KRT8: variants seen among roughly 807,000 people sequenced by gnomAD.
KRT8 encodes the protein keratin, type II cytoskeletal 8.
Under a neutral mutation model 43.0 loss-of-function variants are expected in KRT8, and 24 were observed. The ratio of observed to expected loss-of-function variants is 0.56; its 90% CI spans 0.40 to 0.78. The LOEUF is 0.78. Ranked by LOEUF, KRT8 falls within the 30% of genes least tolerant of loss-of-function variation. KRT8 has a pLI of 0.00. For missense variants in KRT8, 492 were observed against 638.4 expected (o/e 0.77, Z 2.47); for synonymous variants, 214 against 261.2 (o/e 0.82, Z 1.74).
At chr12:52,929,165 ACTC>A (rs975022115) in intron 2 of KRT8, among the ~76,000 whole-genome samples, 32 of 140,428 alleles carry the variant, frequency 2.3e-4, no homozygotes, top group African/African-American at 8.5e-4. Context: ...ACCACTGACC[ACTC>A]CTCCTTCCTT....
rs115941399 is a variant in KRT8, at chr12:52,948,896, G to T, written c.-47+560C>A. 6.6e-3 allele frequency: 2,830 copies of T among 430,852 alleles called. 78 individuals are homozygous for T. The highest frequency in any genetic ancestry group is 0.051 in the African/African-American group (2,505 of 48,764). The allele number at this position is 430,852 out of a possible 1,614,324, so 26.7% of individuals were successfully genotyped here. ...GCAGCCTCGAGGGCCAACAACACCT[G>T]CTGTCCGTGTCCATGCCCGGTTGGC... is the stretch of plus-strand genomic sequence containing the variant. On this transcript the variant is annotated intron_variant, in intron 2 of 6. Transcript: ENST00000546826.
upstream of KRT8, among the ~76,000 whole-genome samples, chr12:52,909,792 G>C (rs1395958621): frequency 6.6e-6 from 1 of 152,172 alleles, no homozygotes; most frequent in African/African-American, 2.4e-5. Flanking sequence ...ATGAAAATCT[G>C]TGAATGTTCT....
At chr12:52,915,331 G>A (rs150327419) in intron 2 of KRT8, among the ~76,000 whole-genome samples, 3,564 of 148,036 alleles carry the variant, frequency 0.024, 73 homozygotes, top group Admixed American at 0.052. Context: ...CCGAGATCTC[G>A]CCACTGCACT....
rs1189457227 is a variant in KRT8, at chr12:52,900,688, G to A, written c.595-5C>T. On this transcript the variant is annotated splice_polypyrimidine_tract_variant and splice_region_variant and intron_variant, in intron 3 of 7. Coordinates refer to ENST00000692008, the Ensembl canonical transcript of KRT8. ...CATGTAAGCTTCATCCACATCCTGG[G>A]GGATGAGGAGAGGGGAGCCTGAGCT... The A allele has an allele frequency of 1.9e-6, 3 of 1,599,666 alleles. No homozygotes were observed. Among genetic ancestry groups the A allele is most frequent in the Non-Finnish European group, 2.6e-6 (3 of 1,168,692 alleles).
At chr12:52,915,996 C>T (rs147311656) in intron 2 of KRT8, among the ~76,000 whole-genome samples, 1 of 152,262 alleles carries the variant, frequency 6.6e-6, no homozygotes, top group African/African-American at 2.4e-5. Context: ...GCCCTTAGAT[C>T]AAGCTGAGCT....
intron 2 of KRT8, among the ~76,000 whole-genome samples, chr12:52,936,323 G>T (rs908766339): frequency 1.3e-5 from 2 of 152,134 alleles, no homozygotes; most frequent in South Asian, 4.1e-4. Flanking sequence ...AAGATTTCTT[G>T]TGATCATAGC....
chr12:52,949,197 C>G (rs1246474436), intron 2 of KRT8: 1 of 1,611,754 alleles, frequency 6.2e-7, no homozygotes, highest in Non-Finnish European at 8.5e-7. Flanking sequence ...CTCGCTCCAC[C>G]TTCTCCACCA....
chr12:52,930,610 A>C (rs531212596), intron 2 of KRT8, among the ~76,000 whole-genome samples: 1 of 151,964 alleles, frequency 6.6e-6, no homozygotes, highest in African/African-American at 2.4e-5. Flanking sequence ...ACCCAGGCTG[A>C]AGTGCAGTGG....
intron 2 of KRT8, among the ~76,000 whole-genome samples, chr12:52,944,080 G>C (rs1942308028): frequency 6.6e-6 from 1 of 152,120 alleles, no homozygotes; most frequent in Admixed American, 6.6e-5. Flanking sequence ...AGACAGGAGG[G>C]GAGGTCAGCT....
chr12:52,918,188 A>AAGAAGAAGAAGGAGAAGG (rs1941802713), intron 2 of KRT8, among the ~76,000 whole-genome samples: 2 of 118,192 alleles, frequency 1.7e-5, no homozygotes, highest in African/African-American at 7.1e-5. Context: ...GAGGAAGAAG[A>AAGAAGAAGAAGGAGAAGG]AGAAGAAGAA....
At chr12:52,905,649 C>T (rs997104008), upstream of KRT8, among the ~76,000 whole-genome samples, 1 of 152,024 alleles carries the variant, frequency 6.6e-6, no homozygotes, top group Admixed American at 6.6e-5. Context: ...TGGTGCAGTG[C>T]CAAGAGGGTC....
At chr12:52,935,417 G>T (rs1477508067) in intron 2 of KRT8, among the ~76,000 whole-genome samples, 3 of 128,610 alleles carry the variant, frequency 2.3e-5, no homozygotes, top group Non-Finnish European at 4.6e-5. Context: ...AAAAGGCCGG[G>T]CACAGTGGCT....
At chr12:52,911,673 C>T (rs191299377), upstream of KRT8, among the ~76,000 whole-genome samples, 6 of 152,302 alleles carry the variant, frequency 3.9e-5, no homozygotes, top group Middle Eastern at 3.4e-3. Flanking sequence ...GGTCATGCAG[C>T]AGTGTGGCTC....
At chr12:52,946,751 A>T (rs1942350203) in intron 2 of KRT8, 1 of 152,158 alleles carries the variant, frequency 6.6e-6, no homozygotes, top group South Asian at 2.1e-4. Context: ...TGTATGCAAA[A>T]CCAGTGGGCA....
upstream of KRT8, among the ~76,000 whole-genome samples, chr12:52,911,600 A>G (rs542403861): frequency 8.5e-5 from 13 of 152,344 alleles, no homozygotes; most frequent in Admixed American, 7.8e-4. Context: ...AACACTATAA[A>G]GTAGGTGCCA....
At chr12:52,939,183 A>G (rs952318376) in intron 2 of KRT8, among the ~76,000 whole-genome samples, 1 of 152,100 alleles carries the variant, frequency 6.6e-6, no homozygotes, top group Non-Finnish European at 1.5e-5. Context: ...GGCATGCAAA[A>G]TGGTACAGCT....
At chr12:52,907,415 C>T (rs995639678), upstream of KRT8, among the ~76,000 whole-genome samples, 2 of 152,182 alleles carry the variant, frequency 1.3e-5, no homozygotes, top group Admixed American at 1.3e-4. Context: ...TTCCCTCCCC[C>T]ACGCTGCTGT....
intron 2 of KRT8, among the ~76,000 whole-genome samples, chr12:52,928,942 C>T (rs1261882780): frequency 2.0e-5 from 3 of 152,108 alleles, no homozygotes; most frequent in Non-Finnish European, 2.9e-5. Flanking sequence ...ATCCTTGACC[C>T]ATGTCCCACA....
At chr12:52,902,193 C>A in intron 1 of KRT8, 121 bp from the exon 2 acceptor site, 1 of 695,138 alleles carries the variant, frequency 1.4e-6, no homozygotes. Context: ...AGACCCCAGG[C>A]ACCTGGTTAG....
Sources: gnomAD v4.1 joint callset for allele counts (sites outside exome capture counted in the v4.1 genomes callset) on GRCh38, gnomAD v4.1.1 for gene constraint, MANE v1.5 for transcripts, NCBI Gene and HGNC (gene_info 2026-07-23, HGNC 2026-07-21) for gene names.